Variants in GRIK2 observed in about 807,000 individuals in gnomAD.
GRIK2 encodes glutamate ionotropic receptor kainate type subunit 2.
Under a neutral mutation model 100.3 loss-of-function variants are expected in GRIK2, and 32 were observed. The ratio of observed to expected loss-of-function variants is 0.32; its 90% CI spans 0.24 to 0.43. The LOEUF is 0.43. Ranked by LOEUF, GRIK2 falls within the 20% of genes least tolerant of loss-of-function variation. The probability of loss-of-function intolerance (pLI) is 1.00; values close to 1 mark genes in which losing one functional copy is unlikely to be tolerated. For synonymous variants in GRIK2, 417 were observed against 389.4 expected (o/e 1.07, Z -0.83); for missense variants, 843 against 1,114.9 (o/e 0.76, Z 3.47).
At chr6:101,726,976 G>A (rs950213887) in intron 7 of GRIK2, among the ~76,000 whole-genome samples, 1 of 152,004 alleles carries the variant, frequency 6.6e-6, no homozygotes, top group Non-Finnish European at 1.5e-5. Context: ...CTGTTTGAAA[G>A]TATTACAGAT....
chr6:101,791,885 G>A (rs1011250142), intron 7 of GRIK2, among the ~76,000 whole-genome samples: 3 of 151,662 alleles, frequency 2.0e-5, no homozygotes, highest in East Asian at 1.9e-4. Flanking sequence ...ATGAATCTGG[G>A]TGCTCCTGTA....
intron 14 of GRIK2, among the ~76,000 whole-genome samples, chr6:102,021,361 T>G (rs751760479): frequency 1.3e-5 from 2 of 151,542 alleles, no homozygotes; most frequent in Non-Finnish European, 3.0e-5. Context: ...TTCCTTTATT[T>G]TTAGTTTATC....
intron 2 of GRIK2, among the ~76,000 whole-genome samples, 166 bp downstream of exon 2, chr6:101,399,558 CTTCTT>C (rs1319575989): frequency 2.0e-5 from 3 of 152,114 alleles, no homozygotes; most frequent in African/African-American, 7.2e-5. Context: ...CATTTCTTCT[CTTCTT>C]TATTTTTATT....
intron 10 of GRIK2, among the ~76,000 whole-genome samples, chr6:101,838,674 G>A (rs1041691030): frequency 8.4e-5 from 12 of 142,048 alleles, no homozygotes; most frequent in African/African-American, 2.2e-4. Context: ...TTTTTGAGAC[G>A]GAGACTTGCT....
intron 14 of GRIK2, among the ~76,000 whole-genome samples, chr6:101,939,242 A>G (rs1308407654): frequency 1.3e-5 from 2 of 152,046 alleles, no homozygotes; most frequent in Admixed American, 6.6e-5. Flanking sequence ...CTCAATCAAT[A>G]CAGATTTATT....
intron 14 of GRIK2, among the ~76,000 whole-genome samples, chr6:102,027,077 G>T (rs1209537097): frequency 6.6e-6 from 1 of 151,222 alleles, no homozygotes; most frequent in African/African-American, 2.4e-5. Context: ...TACCAAGGGA[G>T]ACCTTGCTAT....
At chr6:101,999,185 T>G (rs2114253933) in intron 14 of GRIK2, among the ~76,000 whole-genome samples, 1 of 152,204 alleles carries the variant, frequency 6.6e-6, no homozygotes, top group Non-Finnish European at 1.5e-5. Context: ...ATCCTTCAAC[T>G]TTTTTTCTTT....
At chr6:101,711,861 AC>A in intron 7 of GRIK2, among the ~76,000 whole-genome samples, 1 of 151,972 alleles carries the variant, frequency 6.6e-6, no homozygotes, top group Admixed American at 6.6e-5. Context: ...CCAGTAAATA[AC>A]ATTTTTTTCC....
intron 14 of GRIK2, among the ~76,000 whole-genome samples, chr6:101,976,990 A>G (rs1389171228): frequency 6.6e-6 from 1 of 151,980 alleles, no homozygotes; most frequent in Non-Finnish European, 1.5e-5. Flanking sequence ...CCATGTGTAC[A>G]TGTAATTGTC....
intron 2 of GRIK2, among the ~76,000 whole-genome samples, chr6:101,519,741 C>T (rs1311048375): frequency 3.3e-5 from 5 of 152,118 alleles, no homozygotes; most frequent in African/African-American, 1.2e-4. Flanking sequence ...TGTAACTGTA[C>T]ATATGCATAC....
chr6:101,963,588 G>T (rs1396226690), intron 14 of GRIK2, among the ~76,000 whole-genome samples: 22 of 136,708 alleles, frequency 1.6e-4, no homozygotes, highest in African/African-American at 6.1e-4. Flanking sequence ...TCCTGACCTC[G>T]TGATCCACCC....
chr6:101,624,360 C>T (rs1049753802), intron 3 of GRIK2, among the ~76,000 whole-genome samples: 1 of 152,026 alleles, frequency 6.6e-6, no homozygotes, highest in Admixed American at 6.5e-5. Context: ...ATTCTCAAGT[C>T]TAGCCACCAT....
At chr6:101,550,738 A>C (rs1178163308) in intron 2 of GRIK2, among the ~76,000 whole-genome samples, 1 of 152,136 alleles carries the variant, frequency 6.6e-6, no homozygotes, top group Non-Finnish European at 1.5e-5. Context: ...CTGCATATAC[A>C]CTGAAAGCAG....
At chr6:101,455,535 A>G (rs1273816857) in intron 2 of GRIK2, among the ~76,000 whole-genome samples, 2 of 151,994 alleles carry the variant, frequency 1.3e-5, no homozygotes, top group Non-Finnish European at 2.9e-5. Context: ...GTGTTATAGG[A>G]GCCATGCCTT....
intron 2 of GRIK2, among the ~76,000 whole-genome samples, chr6:101,509,666 T>C (rs1774202553): frequency 6.6e-6 from 1 of 152,198 alleles, no homozygotes; most frequent in South Asian, 2.1e-4. Flanking sequence ...GAGTTAGATA[T>C]TAATGTTGGC....
chr6:101,594,586 GTA>G (rs1448217720), intron 2 of GRIK2, among the ~76,000 whole-genome samples: 1 of 151,724 alleles, frequency 6.6e-6, no homozygotes, highest in African/African-American at 2.4e-5. Context: ...AACAAAATGA[GTA>G]TAGAGTTTCA....
At chr6:102,015,466 C>T (rs1795785230) in intron 14 of GRIK2, among the ~76,000 whole-genome samples, 1 of 152,076 alleles carries the variant, frequency 6.6e-6, no homozygotes, top group Non-Finnish European at 1.5e-5. Flanking sequence ...TGTGTGGACA[C>T]ACACAGTCCT....
intron 7 of GRIK2, among the ~76,000 whole-genome samples, chr6:101,693,647 A>G (rs537156463): frequency 6.6e-6 from 1 of 152,154 alleles, no homozygotes; most frequent in East Asian, 1.9e-4. Flanking sequence ...AAAAGTGCCA[A>G]TACAAAGGAA....
At chr6:102,065,966 C>G in intron 16 of GRIK2, 1 of 1,200,662 alleles carries the variant, frequency 8.3e-7, no homozygotes, top group Non-Finnish European at 1.1e-6. Flanking sequence ...TTTCCATATA[C>G]TGGCTGTCAG....
Sources: allele counts gnomAD v4.1 joint callset (sites outside exome capture counted in the v4.1 genomes callset), GRCh38; gene constraint gnomAD v4.1.1; transcripts MANE v1.5; gene names NCBI Gene and HGNC (gene_info 2026-07-23, HGNC 2026-07-21).